RPSA2: variants seen among roughly 807,000 people sequenced by gnomAD.
RPSA2 encodes small ribosomal subunit protein uS2B.
At chr19:23,822,129 G>A in the RPSA2 span, among the ~76,000 whole-genome samples, 1 of 152,146 alleles carries the variant, frequency 6.6e-6, no homozygotes, top group Admixed American at 6.5e-5. Flanking sequence ...AAACTGGCTA[G>A]GGCTCCCATC....
chr19:23,812,600 T>C, the RPSA2 span, among the ~76,000 whole-genome samples: 1 of 152,044 alleles, frequency 6.6e-6, no homozygotes, highest in African/African-American at 2.4e-5. Context: ...GGTTTCTCCA[T>C]GTTGGTTAGG....
At chr19:23,781,765 CAT>C in the RPSA2 span, among the ~76,000 whole-genome samples, 2 of 152,216 alleles carry the variant, frequency 1.3e-5, no homozygotes, top group South Asian at 2.1e-4. Flanking sequence ...TGACTCAGGA[CAT>C]GTGTGTAATT....
chr19:23,782,779 G>A, the RPSA2 span, among the ~76,000 whole-genome samples: 1 of 152,088 alleles, frequency 6.6e-6, no homozygotes, highest in Non-Finnish European at 1.5e-5. Context: ...CTTCCAACTG[G>A]GTTGATTGGA....
chr19:23,773,240 G>C, the RPSA2 span, among the ~76,000 whole-genome samples: 2 of 150,210 alleles, frequency 1.3e-5, no homozygotes, highest in Admixed American at 6.6e-5. Flanking sequence ...GGTACTACAG[G>C]TGCCTGCCAC....
At chr19:23,771,874 C>A in the RPSA2 span, among the ~76,000 whole-genome samples, 1 of 151,968 alleles carries the variant, frequency 6.6e-6, no homozygotes, top group Non-Finnish European at 1.5e-5. Context: ...TGGGCCCTGC[C>A]CACAGAGGTG....
At chr19:23,846,498 T>C in the RPSA2 span, among the ~76,000 whole-genome samples, 15 of 152,200 alleles carry the variant, frequency 9.9e-5, no homozygotes, top group Non-Finnish European at 7.3e-5. Flanking sequence ...ATGGTGAATA[T>C]CAATCTTTTG....
the RPSA2 span, among the ~76,000 whole-genome samples, chr19:23,802,939 G>A: frequency 6.6e-6 from 1 of 152,006 alleles, no homozygotes; most frequent in Non-Finnish European, 1.5e-5. Context: ...GTTATTATTT[G>A]CATTTTTTAG....
chr19:23,824,939 A>T, the RPSA2 span, among the ~76,000 whole-genome samples: 3 of 149,864 alleles, frequency 2.0e-5, no homozygotes, highest in Admixed American at 1.3e-4. Context: ...AATCTAGTTG[A>T]TGGTTATCTA....
chr19:23,860,881 C>T, the RPSA2 span, among the ~76,000 whole-genome samples: 1 of 152,120 alleles, frequency 6.6e-6, no homozygotes, highest in Non-Finnish European at 1.5e-5. Context: ...CAATGCAAGA[C>T]CTGCCAATTT....
At chr19:23,767,337 TCAAAGTGC>T in the RPSA2 span, among the ~76,000 whole-genome samples, 1 of 152,122 alleles carries the variant, frequency 6.6e-6, no homozygotes, top group Non-Finnish European at 1.5e-5. Flanking sequence ...CCTGGGGCTC[TCAAAGTGC>T]AGGGATTACA....
the RPSA2 span, chr19:23,758,902 C>A: frequency 5.0e-5 from 51 of 1,026,876 alleles, no homozygotes; most frequent in Non-Finnish European, 7.4e-5. Context: ...AAAGGCCCCG[C>A]CAATCCCGGA....
At chr19:23,841,099 T>G in the RPSA2 span, among the ~76,000 whole-genome samples, 1 of 152,312 alleles carries the variant, frequency 6.6e-6, no homozygotes, top group African/African-American at 2.4e-5. Context: ...AGAAGTCATG[T>G]TGCATCCTCC....
chr19:23,790,322 A>T, the RPSA2 span, among the ~76,000 whole-genome samples: 782 of 152,214 alleles, frequency 5.1e-3, 8 homozygotes, highest in African/African-American at 0.017. Context: ...CAATAATTTT[A>T]TGTATTGTTA....
the RPSA2 span, among the ~76,000 whole-genome samples, chr19:23,866,651 AG>A: frequency 6.6e-5 from 10 of 152,152 alleles, no homozygotes; most frequent in South Asian, 2.1e-3. Context: ...GCCTGGACCC[AG>A]GCCCCTCAAG....
chr19:23,866,606 C>A, the RPSA2 span, among the ~76,000 whole-genome samples: 1 of 146,822 alleles, frequency 6.8e-6, no homozygotes, highest in African/African-American at 2.5e-5. Flanking sequence ...AAAATTTCAT[C>A]ACAATAGCAC....
the RPSA2 span, among the ~76,000 whole-genome samples, chr19:23,772,781 G>A: frequency 5.3e-5 from 8 of 152,124 alleles, no homozygotes; most frequent in African/African-American, 9.7e-5. Flanking sequence ...TGTCATATAT[G>A]AGCCTCCAGC....
chr19:23,838,558 G>A, the RPSA2 span, among the ~76,000 whole-genome samples: 44 of 149,054 alleles, frequency 3.0e-4, no homozygotes, highest in African/African-American at 1.0e-3. Flanking sequence ...TTTGTTGGTG[G>A]TAAGTTTTAA....
chr19:23,801,506 G>A, the RPSA2 span, among the ~76,000 whole-genome samples: 2 of 152,294 alleles, frequency 1.3e-5, no homozygotes, highest in South Asian at 4.1e-4. Context: ...CTCCCAAAAT[G>A]TTGGGATTAC....
At chr19:23,758,715 C>G in the RPSA2 span, 1 of 1,614,200 alleles carries the variant, frequency 6.2e-7, no homozygotes, top group Non-Finnish European at 8.5e-7. Flanking sequence ...GCCCCTTCCC[C>G]TCTCTCGGGA....
Sources: gnomAD v4.1 joint callset for allele counts (sites outside exome capture counted in the v4.1 genomes callset) on GRCh38, gnomAD v4.1.1 for gene constraint, MANE v1.5 for transcripts, NCBI Gene and HGNC (gene_info 2026-07-23, HGNC 2026-07-21) for gene names.